Variants in NRDC observed in about 807,000 individuals in gnomAD.
NRDC encodes nardilysin.
Under a neutral mutation model 147.1 loss-of-function variants are expected in NRDC, and 54 were observed. The observed-to-expected ratio is 0.37, with a 90% CI of 0.29 to 0.46. The LOEUF (loss-of-function observed/expected upper bound fraction) is 0.46. Ranked by LOEUF, NRDC falls within the 20% of genes least tolerant of loss-of-function variation. NRDC has a pLI of 1.00. For synonymous variants in NRDC, 440 were observed against 482.1 expected (o/e 0.91, Z 1.14); for missense variants, 1,082 against 1,370.6 (o/e 0.79, Z 3.33).
intron 8 of NRDC, 64 bp downstream of exon 8, chr1:51,821,434 C>T (rs1013735432): frequency 7.3e-6 from 8 of 1,100,870 alleles, no homozygotes; most frequent in Non-Finnish European, 9.5e-6. Flanking sequence ...ACCTTTGGGA[C>T]TCATACAAGA....
At chr1:51,834,261 A>T in intron 3 of NRDC, 91 bp from the exon 4 acceptor site, 1 of 1,312,730 alleles carries the variant, frequency 7.6e-7, no homozygotes, top group Non-Finnish European at 1.1e-6. Flanking sequence ...AGAAAAACTG[A>T]AAGAAAATAG....
intron 27 of NRDC, among the ~76,000 whole-genome samples, chr1:51,791,285 C>T (rs1678639869): frequency 6.6e-6 from 1 of 152,184 alleles, no homozygotes; most frequent in Non-Finnish European, 1.5e-5. Flanking sequence ...TCAGCAATGC[C>T]TGTCAGATCA....
At chr1:51,815,174 CTTTT>C (rs58581893) in intron 11 of NRDC, among the ~76,000 whole-genome samples, 74,259 of 141,572 alleles carry the variant, frequency 0.52, 19,969 homozygotes, top group East Asian at 0.93. Flanking sequence ...TTTTGCTTAC[CTTTT>C]TTTCTTTTTT....
chr1:51,836,400 TCCG>T, intron 2 of NRDC, 188 bp from the exon 3 acceptor site: 1 of 1,613,822 alleles, frequency 6.2e-7, no homozygotes, highest in Non-Finnish European at 8.5e-7. Flanking sequence ...CTGCTGCTCC[TCCG>T]CTTGCCATCC....
chr1:51,791,288 T>C (rs1678640016), intron 27 of NRDC, among the ~76,000 whole-genome samples: 1 of 152,118 alleles, frequency 6.6e-6, no homozygotes, highest in African/African-American at 2.4e-5. Flanking sequence ...GCAATGCCTG[T>C]CAGATCAGGC....
intron 1 of NRDC, among the ~76,000 whole-genome samples, chr1:51,867,979 C>G (rs962562556): frequency 6.6e-6 from 1 of 152,086 alleles, no homozygotes; most frequent in East Asian, 1.9e-4. Flanking sequence ...CAGTAAAAGA[C>G]AAACTGATGA....
intron 1 of NRDC, among the ~76,000 whole-genome samples, chr1:51,869,107 G>C (rs1048694485): frequency 2.2e-4 from 34 of 151,852 alleles, no homozygotes; most frequent in Non-Finnish European, 5.9e-5. Flanking sequence ...ACACCACCAA[G>C]CCCAGCTAAT....
intron 4 of NRDC, among the ~76,000 whole-genome samples, chr1:51,833,694 G>A (rs955187852): frequency 2.0e-5 from 3 of 152,020 alleles, no homozygotes; most frequent in South Asian, 2.1e-4. Flanking sequence ...CTACAGCCTC[G>A]AATTCCTGGA....
Position 51,836,279 on chromosome 1 carries a change from T to C in NRDC, c.631-67A>G, listed in dbSNP as rs1278598458. On this transcript the variant is annotated intron_variant, in intron 2 of 30. Coordinates refer to ENST00000352171, the MANE Select transcript of NRDC (RefSeq NM_001101662.2). ...AAAGGAATAATATTCGCATCTTATCTTAAGGATTCATTTGGAGATGGATGT... is the reference window on the plus strand; with the variant it reads ...AAAGGAATAATATTCGCATCTTATCCTAAGGATTCATTTGGAGATGGATGT... The C allele has an allele frequency of 1.9e-6, 3 of 1,586,848 alleles. No homozygotes were observed. In the African/African-American group the frequency reaches 4.0e-5, roughly 21 times the overall value.
At chr1:51,863,495 T>C (rs1682654610) in intron 1 of NRDC, among the ~76,000 whole-genome samples, 2 of 152,334 alleles carry the variant, frequency 1.3e-5, no homozygotes, top group South Asian at 4.1e-4. Context: ...ATTTAAGTCA[T>C]TTCAATCAAG....
At chr1:51,871,515 TAAAAAAAAAAAAAAAAAA>T (rs60495773) in intron 1 of NRDC, among the ~76,000 whole-genome samples, 3 of 20,974 alleles carry the variant, frequency 1.4e-4, no homozygotes, top group African/African-American at 3.1e-4. Flanking sequence ...ACTGGTTCAT[TAAAAAAAAAAAAAAAAAA>T]AAAAAAAAAA....
At chr1:51,811,962 AAAGT>A (rs764351252) in intron 15 of NRDC, 28 bp downstream of exon 15, 13 of 1,439,242 alleles carry the variant, frequency 9.0e-6, no homozygotes, top group Middle Eastern at 3.5e-4. Context: ...TCTTCCCCTA[AAAGT>A]AAGTTTTAGA....
chr1:51,815,203 T>TA (rs1012143387), intron 11 of NRDC, among the ~76,000 whole-genome samples: 6 of 140,312 alleles, frequency 4.3e-5, no homozygotes, highest in African/African-American at 1.3e-4. Context: ...TTTTTTTTTT[T>TA]AATAAAGACA....
intron 12 of NRDC, 29 bp from the exon 13 acceptor site, chr1:51,814,638 T>G: frequency 6.2e-7 from 1 of 1,608,676 alleles, no homozygotes; most frequent in Non-Finnish European, 8.5e-7. Context: ...ATTAGTCTTT[T>G]GCATAAAGTG....
chr1:51,856,305 G>A (rs961501423), intron 1 of NRDC, among the ~76,000 whole-genome samples: 6 of 152,102 alleles, frequency 3.9e-5, no homozygotes, highest in African/African-American at 1.4e-4. Flanking sequence ...CACCAACTGG[G>A]TGTCCTCCAA....
intron 1 of NRDC, among the ~76,000 whole-genome samples, chr1:51,844,760 G>A (rs1055971793): frequency 1.6e-5 from 2 of 123,720 alleles, no homozygotes; most frequent in Non-Finnish European, 3.4e-5. Context: ...ATTCCGGAAG[G>A]GAGGGACGGA....
intron 1 of NRDC, among the ~76,000 whole-genome samples, chr1:51,846,584 T>C (rs1318254372): frequency 1.3e-5 from 2 of 152,198 alleles, no homozygotes; most frequent in Non-Finnish European, 2.9e-5. Context: ...GTGTTCAGAG[T>C]TTCTTCCTGC....
Position 51,814,025 on chromosome 1 carries a change from C to T in NRDC, c.1674+10G>A, listed in dbSNP as rs749548393. The T allele has an allele frequency of 6.3e-7, 1 of 1,576,418 alleles. No individual in the cohort carries two copies. The highest frequency in any genetic ancestry group is 1.1e-5 in the South Asian group (1 of 89,140). On this transcript the variant is annotated intron_variant, in intron 14 of 30. Transcript: ENST00000352171. ...CAGATAACATGCAAAAAGAATTTGACTTCCAGTACCTGTTCTTGGTAATGA... is the reference window on the plus strand; with the variant it reads ...CAGATAACATGCAAAAAGAATTTGATTTCCAGTACCTGTTCTTGGTAATGA...
chr1:51,792,376 C>T lies in NRDC; in HGVS notation c.2823+1G>A. 6.2e-7 allele frequency: 1 copy of T among 1,614,056 alleles called. No homozygotes were observed. Among genetic ancestry groups the T allele is most frequent in the Non-Finnish European group, 8.5e-7 (1 of 1,179,944 alleles). On this transcript the variant is annotated splice_donor_variant, in intron 25 of 30. Transcript: ENST00000352171. LOFTEE classifies it high-confidence loss of function. Reference sequence around the variant, plus strand: ...CCTCAGCATCTCCTTTATGCACTTACCACAAGCAGCTCCATAAGCGTATAT... The same window carrying T: ...CCTCAGCATCTCCTTTATGCACTTATCACAAGCAGCTCCATAAGCGTATAT...
Sources: allele counts gnomAD v4.1 joint callset (sites outside exome capture counted in the v4.1 genomes callset), GRCh38; gene constraint gnomAD v4.1.1; transcripts MANE v1.5; gene names NCBI Gene and HGNC (gene_info 2026-07-23, HGNC 2026-07-21).